Variants in SP100 observed in about 807,000 individuals in gnomAD.
SP100 encodes nuclear autoantigen Sp-100.
SP100 carries 84 observed loss-of-function variants against 130.0 expected under a neutral mutation model. The observed-to-expected ratio is 0.65, with a 90% CI of 0.54 to 0.77. SP100 has a LOEUF of 0.77. Among genes scored for constraint, SP100 ranks in the 30% least tolerant of loss-of-function variants. The pLI, the probability that SP100 is intolerant of heterozygous loss-of-function variation, is 0.00. For missense variants in SP100, 978 were observed against 1,052.2 expected, an observed-to-expected ratio of 0.93 and a Z score of 0.97; for synonymous variants, 331 against 351.7, an observed-to-expected ratio of 0.94 and a Z score of 0.66.
In SP100 at chr2:230,542,836, G is replaced by A; in HGVS notation, c.2548G>A (p.Glu850Lys). Reference sequence around the variant, plus strand: ...ATTGTTTTTTTCTTTGCTTTTTTAGGAAGATAAATTCACCAGACTGGGAAT... The same window carrying A: ...ATTGTTTTTTTCTTTGCTTTTTTAGAAAGATAAATTCACCAGACTGGGAAT... Reference protein sequence around the residue: ...IFHNHKEFYREDKFTRLGIQV... With the variant: ...IFHNHKEFYRKDKFTRLGIQV... Residue 850 changes from glutamate to lysine, a missense_variant and splice_region_variant, in exon 29 of 29, where the codon GAA becomes AAA. Physicochemically the swap from Glu to Lys is moderately conservative, Grantham distance 56 (BLOSUM62 1). Transcript: ENST00000340126. 6.3e-7 allele frequency: 1 copy of A among 1,588,956 alleles called. No homozygotes were observed. Among genetic ancestry groups the A allele is most frequent in the Non-Finnish European group, 8.6e-7 (1 of 1,157,884 alleles).
chr2:230,503,654 GA>G (rs2150067406), intron 20 of SP100, among the ~76,000 whole-genome samples: 1 of 152,120 alleles, frequency 6.6e-6, no homozygotes, highest in South Asian at 2.1e-4. Flanking sequence ...GTTTCTTCTA[GA>G]ACCCCCCACA....
intron 10 of SP100, among the ~76,000 whole-genome samples, chr2:230,463,018 T>C (rs1438340919): frequency 1.3e-5 from 2 of 152,250 alleles, no homozygotes; most frequent in Non-Finnish European, 2.9e-5. Context: ...ACTTGAAGTA[T>C]TGTTTCTGAT....
At chr2:230,488,400 GGTTTTTGTTGTTTTT>G (rs1391156066) in intron 17 of SP100, among the ~76,000 whole-genome samples, 1 of 151,904 alleles carries the variant, frequency 6.6e-6, no homozygotes, top group Non-Finnish European at 1.5e-5. Flanking sequence ...TGTTTGTTTG[GGTTTTTGTTGTTTTT>G]GTTGTTGTTG....
chr2:230,423,107 A>T (rs1232190753), intron 2 of SP100, among the ~76,000 whole-genome samples: 1 of 152,158 alleles, frequency 6.6e-6, no homozygotes, highest in Non-Finnish European at 1.5e-5. Flanking sequence ...TTGTCCATTA[A>T]ATTATTTGAA....
At chr2:230,460,869 C>T (rs1400584612) in intron 8 of SP100, among the ~76,000 whole-genome samples, 2 of 139,370 alleles carry the variant, frequency 1.4e-5, no homozygotes, top group Non-Finnish European at 3.1e-5. Context: ...ATGATCCACC[C>T]GCCTCGGCCT....
In SP100 at chr2:230,541,134, G is replaced by A. The variant is rs150305803; in HGVS notation, c.2331+138G>A. On this transcript the variant is annotated intron_variant, in intron 26 of 28. Coordinates refer to ENST00000340126, the MANE Select transcript of SP100 (RefSeq NM_001080391.2). ...GGTGTGCTTTGCTCCATGACCTAAC[G>A]CTACAATTCATATTCCAAAGAAAAA... is the stretch of plus-strand genomic sequence containing the variant. 113 of 1,253,210 alleles carry A rather than the reference G, an allele frequency of 9.0e-5. No homozygotes were observed. In the African/African-American group the frequency reaches 1.2e-3, roughly 13 times the overall value. The allele number at this position is 1,253,210 out of a possible 1,614,324, so 77.6% of individuals were successfully genotyped here.
intron 2 of SP100, among the ~76,000 whole-genome samples, chr2:230,422,022 G>A (rs1025459317): frequency 6.6e-6 from 1 of 151,286 alleles, no homozygotes; most frequent in Non-Finnish European, 1.5e-5. Flanking sequence ...AGACTCCCTG[G>A]TTTTTTTTCT....
In SP100 at chr2:230,498,462, GAGAA is replaced by G. The variant is rs1439973915; in HGVS notation, c.1655_1658del (p.Lys552ThrfsTer7). The G allele has an allele frequency of 3.3e-6, 5 of 1,496,738 alleles. No individual in the cohort carries two copies. Among genetic ancestry groups the G allele is most frequent in the Non-Finnish European group, 4.4e-6 (5 of 1,126,886 alleles). The allele number at this position is 1,496,738 out of a possible 1,614,324, so 92.7% of individuals were successfully genotyped here. ...ATTTATATTTTCCTATTTTCTCAGGGAGAAAGAAAGACAGACCTAGAAAACATTT... is the reference window on the plus strand; with the variant it reads ...ATTTATATTTTCCTATTTTCTCAGGGAGAAAGACAGACCTAGAAAACATTT... On this transcript the variant is annotated frameshift_variant and splice_region_variant, in exon 19 of 29. Coordinates refer to ENST00000340126, the MANE Select transcript of SP100 (RefSeq NM_001080391.2). LOFTEE classifies it high-confidence loss of function.
intron 17 of SP100, among the ~76,000 whole-genome samples, chr2:230,492,932 G>A (rs1268543000): frequency 6.6e-6 from 1 of 152,066 alleles, no homozygotes; most frequent in African/African-American, 2.4e-5. Flanking sequence ...AAATTCTGTG[G>A]CCAATAAGTC....
intron 24 of SP100, among the ~76,000 whole-genome samples, chr2:230,536,397 A>G (rs1271218643): frequency 6.6e-6 from 1 of 152,184 alleles, no homozygotes; most frequent in Admixed American, 6.5e-5. Context: ...TTTACAGTTT[A>G]TTTTGAATAA....
At chr2:230,526,652 A>T (rs542714398) in intron 24 of SP100, among the ~76,000 whole-genome samples, 1 of 152,330 alleles carries the variant, frequency 6.6e-6, no homozygotes, top group African/African-American at 2.4e-5. Context: ...ACCACAAGGA[A>T]GCTAAAAACT....
rs755706686 is a variant in SP100, at chr2:230,449,637, A to T, written c.663A>T (p.Thr221=). 3.3e-5 allele frequency: 54 copies of T among 1,614,038 alleles called. No homozygotes were observed. In the Middle Eastern group the frequency reaches 4.9e-4, roughly 15 times the overall value. The change falls in exon 7 of 29, where the codon ACA becomes ACT. Residue 221 remains threonine (T), a synonymous_variant. Coordinates refer to ENST00000340126, the MANE Select transcript of SP100 (RefSeq NM_001080391.2). ...AGATAAATGCAAAGAGAAAAGATAC[A>T]ACCAGTGACAAAGATGATTCGCTAG... ...TEQINAKRKD[T]TSDKDDSLGS...
At chr2:230,511,061 C>G (rs1690551462) in intron 23 of SP100, 64 bp from the exon 24 acceptor site, 2 of 1,100,150 alleles carry the variant, frequency 1.8e-6, no homozygotes, top group Non-Finnish European at 2.8e-6. Context: ...GAAGTCTGTT[C>G]AAATGTGGGG....
chr2:230,419,654 A>AT (rs1165663859), intron 2 of SP100, among the ~76,000 whole-genome samples: 7 of 152,192 alleles, frequency 4.6e-5, no homozygotes, highest in Non-Finnish European at 8.8e-5. Context: ...CATTTACATA[A>AT]TTTTTATTAC....
At chr2:230,526,525 C>G (rs1691435789) in intron 24 of SP100, among the ~76,000 whole-genome samples, 1 of 152,156 alleles carries the variant, frequency 6.6e-6, no homozygotes. Context: ...GATTGCAGCT[C>G]CTCACCAGCA....
At chr2:230,434,497 G>A (rs1462188695) in intron 2 of SP100, among the ~76,000 whole-genome samples, 1 of 152,122 alleles carries the variant, frequency 6.6e-6, no homozygotes, top group Non-Finnish European at 1.5e-5. Context: ...TGCCCTCATG[G>A]CATATATATT....
At chr2:230,483,782 T>C (rs2065942009) in intron 17 of SP100, among the ~76,000 whole-genome samples, 1 of 152,216 alleles carries the variant, frequency 6.6e-6, no homozygotes, top group African/African-American at 2.4e-5. Context: ...TCCTGATAGT[T>C]ATATTCTATA....
At chr2:230,456,352 T>A (rs889690055) in intron 8 of SP100, among the ~76,000 whole-genome samples, 1 of 152,230 alleles carries the variant, frequency 6.6e-6, no homozygotes, top group South Asian at 2.1e-4. Flanking sequence ...TCTTTGTCCT[T>A]GAATCTTGAC....
chr2:230,541,129 C>A, intron 26 of SP100, 133 bp downstream of exon 26: 1 of 1,264,934 alleles, frequency 7.9e-7, no homozygotes, highest in Admixed American at 2.2e-5. Context: ...GCTCCATGAC[C>A]TAACGCTACA....
Sources: allele counts gnomAD v4.1 joint callset (sites outside exome capture counted in the v4.1 genomes callset), GRCh38; gene constraint gnomAD v4.1.1; transcripts MANE v1.5; gene names NCBI Gene and HGNC (gene_info 2026-07-23, HGNC 2026-07-21).